LY96: variants seen among roughly 807,000 people sequenced by gnomAD.
The protein encoded by LY96 is lymphocyte antigen 96, also known as myeloid differentiation protein-2.
LY96 carries 18 observed loss-of-function variants against 18.9 expected under a neutral mutation model. That is an observed-to-expected ratio of 0.95 (90% confidence interval 0.66 to 1.41). The LOEUF (loss-of-function observed/expected upper bound fraction) is 1.41, where lower values mean the gene tolerates loss of function less well. LY96 is among the 40% of genes most tolerant of loss of function. The probability of loss-of-function intolerance (pLI) is 0.00; values close to 1 mark genes in which losing one functional copy is unlikely to be tolerated. For missense variants in LY96, 175 were observed against 182.4 expected (o/e 0.96, Z 0.23); for synonymous variants, 66 against 62.6 (o/e 1.06, Z -0.26).
the LY96 span, chr8:74,099,738 C>G: frequency 1.3e-5 from 2 of 152,164 alleles, no homozygotes; most frequent in African/African-American, 4.8e-5. Flanking sequence ...TCCCTTTTCC[C>G]CTCCCTTGAA....
chr8:74,007,013 A>G (rs1193496042), intron 2 of LY96, among the ~76,000 whole-genome samples: 1 of 152,222 alleles, frequency 6.6e-6, no homozygotes, highest in African/African-American at 2.4e-5. Context: ...CAGGTCTGAT[A>G]CCTTTGAAAA....
At chr8:74,053,454 T>C in the LY96 span, among the ~76,000 whole-genome samples, 6 of 152,170 alleles carry the variant, frequency 3.9e-5, no homozygotes, top group Non-Finnish European at 7.3e-5. Context: ...ATAAAATCAG[T>C]GTGATCTAGC....
the LY96 span, among the ~76,000 whole-genome samples, chr8:74,094,329 G>A: frequency 6.6e-6 from 1 of 151,976 alleles, no homozygotes; most frequent in African/African-American, 2.4e-5. Context: ...GAAAAAAGGT[G>A]GGACATAATG....
intron 2 of LY96, among the ~76,000 whole-genome samples, chr8:74,007,231 G>C (rs1442394045): frequency 1.3e-5 from 2 of 152,178 alleles, no homozygotes; most frequent in African/African-American, 4.8e-5. Context: ...CTCTGGCTGA[G>C]TGCTGAGATA....
chr8:74,073,085 G>A, the LY96 span, among the ~76,000 whole-genome samples: 9 of 152,172 alleles, frequency 5.9e-5, no homozygotes, highest in Non-Finnish European at 1.3e-4. Context: ...GGGCAGGTAG[G>A]ACTCTGCAAG....
chr8:74,059,567 A>G, the LY96 span, among the ~76,000 whole-genome samples: 11 of 152,372 alleles, frequency 7.2e-5, no homozygotes, highest in Middle Eastern at 3.4e-3. Flanking sequence ...GGGTAAATTC[A>G]ATAAATGGCA....
chr8:74,026,585 A>G (rs1294129205), intron 3 of LY96, among the ~76,000 whole-genome samples: 1 of 152,174 alleles, frequency 6.6e-6, no homozygotes, highest in East Asian at 1.9e-4. Context: ...GGGATAAGGT[A>G]GGGGCAGGTG....
chr8:73,992,312 C>A (rs1321502350), intron 1 of LY96, among the ~76,000 whole-genome samples: 5 of 152,128 alleles, frequency 3.3e-5, no homozygotes, highest in African/African-American at 1.2e-4. Context: ...TGCTGCTTAC[C>A]ATGGGTTGGC....
At chr8:74,081,138 CTTCCTTCTTTCT>C in the LY96 span, among the ~76,000 whole-genome samples, 1 of 112,476 alleles carries the variant, frequency 8.9e-6, no homozygotes, top group African/African-American at 3.4e-5. Context: ...TCCTTCCTTC[CTTCCTTCTTTCT>C]TTCTTTCTTT....
In LY96 at chr8:73,991,415, A is replaced by G. The variant is rs1161576991; in HGVS notation, c.-28A>G. On this transcript the variant is annotated 5_prime_UTR_variant, in exon 1 of 5. Coordinates refer to ENST00000284818, the MANE Select transcript of LY96 (RefSeq NM_015364.5). ...ATGATTAGTTACTGATCCTCTTTGCATTTGTAAAGCTTTGGAGATATTGAA... is the reference window on the plus strand; with the variant it reads ...ATGATTAGTTACTGATCCTCTTTGCGTTTGTAAAGCTTTGGAGATATTGAA... 8.0e-7 allele frequency: 1 copy of G among 1,245,256 alleles called. No individual in the cohort carries two copies. Among genetic ancestry groups the G allele is most frequent in the Non-Finnish European group, 1.2e-6 (1 of 844,520 alleles). 77.1% of individuals were successfully genotyped at this position (1,245,256 alleles called of 1,614,324 possible).
the LY96 span, chr8:74,048,821 GAGAAAGAA>G: frequency 6.7e-6 from 1 of 149,748 alleles, no homozygotes; most frequent in Non-Finnish European, 1.5e-5. Flanking sequence ...AAGAGAGAGA[GAGAAAGAA>G]AGAAAGAAAG....
chr8:74,063,193 C>T, the LY96 span, among the ~76,000 whole-genome samples: 1 of 152,162 alleles, frequency 6.6e-6, no homozygotes, highest in South Asian at 2.1e-4. Flanking sequence ...CTTGAGTGTC[C>T]TCATGACATA....
At chr8:74,054,620 C>CTTTA in the LY96 span, among the ~76,000 whole-genome samples, 1 of 70,560 alleles carries the variant, frequency 1.4e-5, no homozygotes, top group Non-Finnish European at 2.6e-5. Flanking sequence ...CCTTTTCCTT[C>CTTTA]TTTCTTTCTT....
chr8:74,074,351 A>C, the LY96 span, among the ~76,000 whole-genome samples: 9 of 151,720 alleles, frequency 5.9e-5, no homozygotes, highest in Non-Finnish European at 1.2e-4. Context: ...CTGAAATTTG[A>C]ATTTTTAATT....
At chr8:74,055,131 C>T in the LY96 span, among the ~76,000 whole-genome samples, 6 of 152,090 alleles carry the variant, frequency 3.9e-5, no homozygotes. Flanking sequence ...TGGTCTCAAA[C>T]TCCTGGGCTC....
chr8:74,004,915 A>C (rs766821115), intron 2 of LY96, 30 bp downstream of exon 2: 1 of 1,570,126 alleles, frequency 6.4e-7, no homozygotes, highest in African/African-American at 1.4e-5. Flanking sequence ...TTTATAGACC[A>C]ATCAAAGGAG....
intron 1 of LY96, among the ~76,000 whole-genome samples, chr8:73,999,657 T>C (rs1054952761): frequency 6.6e-6 from 1 of 152,176 alleles, no homozygotes; most frequent in Non-Finnish European, 1.5e-5. Context: ...TTCTAACAAC[T>C]TTTTTACATT....
intron 4 of LY96, among the ~76,000 whole-genome samples, chr8:74,027,536 C>T (rs929720978): frequency 6.6e-6 from 1 of 152,088 alleles, no homozygotes; most frequent in African/African-American, 2.4e-5. Context: ...AACTCCTGGC[C>T]TCATGTGATC....
At chr8:74,053,657 A>T in the LY96 span, among the ~76,000 whole-genome samples, 1 of 152,310 alleles carries the variant, frequency 6.6e-6, no homozygotes, top group South Asian at 2.1e-4. Context: ...CTGTATTAGG[A>T]TGTGTTCAGT....
Sources: gnomAD v4.1 joint callset for allele counts (sites outside exome capture counted in the v4.1 genomes callset) on GRCh38, gnomAD v4.1.1 for gene constraint, MANE v1.5 for transcripts, NCBI Gene and HGNC (gene_info 2026-07-23, HGNC 2026-07-21) for gene names.